The following KCNK2 variants were observed in gnomAD, a reference collection of about 807,000 sequenced individuals.
The protein encoded by KCNK2 is potassium two pore domain channel subfamily K member 2.
In KCNK2, 21 loss-of-function variants were observed where a neutral mutation model predicts 40.5. The ratio of observed to expected loss-of-function variants is 0.52; its 90% confidence interval spans 0.37 to 0.75. The LOEUF (loss-of-function observed/expected upper bound fraction) is 0.75, where lower values mean the gene tolerates loss of function less well. Ranked by LOEUF, KCNK2 falls within the 30% of genes least tolerant of loss-of-function variation. The pLI, the probability that KCNK2 is intolerant of heterozygous loss-of-function variation, is 0.00. For missense variants in KCNK2, 399 were observed against 531.6 expected, an observed-to-expected ratio of 0.75 and a Z score of 2.45; for synonymous variants, 191 against 202.2, an observed-to-expected ratio of 0.94 and a Z score of 0.47.
intron 6 of KCNK2, among the ~76,000 whole-genome samples, chr1:215,215,453 T>C (rs1665924740): frequency 1.3e-5 from 2 of 152,162 alleles, no homozygotes; most frequent in South Asian, 4.1e-4. Flanking sequence ...CTCTAAAGCA[T>C]AAAGTGATAT....
At chr1:215,209,463 T>TATATATATATATTATATATA (rs1558140238) in intron 6 of KCNK2, among the ~76,000 whole-genome samples, 42 of 5,252 alleles carry the variant, frequency 8.0e-3, no homozygotes, top group Admixed American at 0.016. Context: ...TTATATATTA[T>TATATATATATATTATATATA]ATATAATATA....
intron 5 of KCNK2, among the ~76,000 whole-genome samples, chr1:215,188,211 G>A (rs1461614598): frequency 1.3e-5 from 2 of 152,236 alleles, no homozygotes; most frequent in East Asian, 3.9e-4. Context: ...TGCTTACCAG[G>A]TCAGTCAGGC....
rs1313914265 is a variant in KCNK2, at chr1:215,172,083, T to G, written c.723T>G (p.Pro241=). ...GCTGTGTACTCTTTGTGGCTCTGCC[T>G]GCGATCATATTCAAACACATAGAAG... is the stretch of plus-strand genomic sequence containing the variant. The part of the protein sequence containing the change: ...LFGCVLFVAL[P]AIIFKHIEGW... Residue 241 remains proline (P), a synonymous_variant, in exon 5 of 7, where the codon CCT becomes CCG. Transcript: ENST00000444842. 1 of 1,613,536 alleles carries G rather than the reference T, an allele frequency of 6.2e-7. No homozygotes were observed. Among genetic ancestry groups the G allele is most frequent in the Non-Finnish European group, 8.5e-7 (1 of 1,179,666 alleles).
chr1:215,184,027 A>C (rs1458635529), intron 5 of KCNK2, among the ~76,000 whole-genome samples: 1 of 152,180 alleles, frequency 6.6e-6, no homozygotes, highest in East Asian at 1.9e-4. Context: ...CTCTCTGTGC[A>C]CTGTAGATGT....
intron 1 of KCNK2, among the ~76,000 whole-genome samples, chr1:215,049,310 T>C (rs1447910352): frequency 6.6e-6 from 1 of 152,206 alleles, no homozygotes; most frequent in Non-Finnish European, 1.5e-5. Context: ...TTCAGTGAAA[T>C]GTGTTTTTCC....
chr1:215,025,683 G>A (rs1023671336), intron 1 of KCNK2, among the ~76,000 whole-genome samples: 1 of 151,862 alleles, frequency 6.6e-6, no homozygotes, highest in African/African-American at 2.4e-5. Flanking sequence ...ACTTTTTTCT[G>A]AATCAGTAGT....
At chr1:215,011,443 G>A (rs920191453) in intron 1 of KCNK2, among the ~76,000 whole-genome samples, 2 of 151,796 alleles carry the variant, frequency 1.3e-5, no homozygotes, top group Non-Finnish European at 2.9e-5. Context: ...ACAGGCACAC[G>A]CCACCACATC....
chr1:215,021,701 A>T (rs1656800802), intron 1 of KCNK2, among the ~76,000 whole-genome samples: 1 of 151,720 alleles, frequency 6.6e-6, no homozygotes, highest in South Asian at 2.1e-4. Context: ...GCCCGCCACC[A>T]CGCCTGGCTA....
intron 3 of KCNK2, among the ~76,000 whole-genome samples, chr1:215,168,752 G>A (rs1413145138): frequency 6.6e-6 from 1 of 151,690 alleles, no homozygotes; most frequent in Non-Finnish European, 1.5e-5. Flanking sequence ...GCTAATGTAT[G>A]CAGGGCTTAA....
chr1:215,205,974 T>C (rs1339927541), intron 6 of KCNK2, among the ~76,000 whole-genome samples: 5 of 152,216 alleles, frequency 3.3e-5, no homozygotes, highest in Non-Finnish European at 7.3e-5. Context: ...AGGTGTATTA[T>C]CTACATTATC....
chr1:215,236,579 A>G lies in KCNK2; in HGVS notation c.*1434A>G, dbSNP rs1237028590. 1 of 152,566 alleles carries G rather than the reference A, an allele frequency of 6.6e-6. No individual in the cohort carries two copies. The highest frequency in any genetic ancestry group is 2.4e-5 in the African/African-American group (1 of 41,440). The allele number at this position is 152,566 out of a possible 1,614,324, so 9.5% of individuals were successfully genotyped here. On this transcript the variant is annotated 3_prime_UTR_variant, in exon 7 of 7. Coordinates refer to ENST00000444842, the MANE Select transcript of KCNK2 (RefSeq NM_001017425.3). ...TTTTAGTTTAATTTTATATCCTGTA[A>G]TTCTTTGGATGGTTCCAAGATTCAG...
chr1:215,216,374 T>G (rs1262730152), intron 6 of KCNK2, among the ~76,000 whole-genome samples: 2 of 147,604 alleles, frequency 1.4e-5, no homozygotes, highest in Admixed American at 6.8e-5. Context: ...AGATAATATA[T>G]AATATATATT....
At chr1:215,012,541 A>G (rs969523537) in intron 1 of KCNK2, among the ~76,000 whole-genome samples, 2 of 151,584 alleles carry the variant, frequency 1.3e-5, no homozygotes, top group Non-Finnish European at 2.9e-5. Flanking sequence ...GAACAATCAT[A>G]GTTCACAGCA....
rs199666002 is a variant in KCNK2 at position 215,187,100 on chromosome 1, G to A, written c.824-7853G>A. 1.8e-4 allele frequency among the ~76,000 whole-genome samples: 27 copies of A among 152,162 alleles called. No individual in the cohort carries two copies. The East Asian group carries it at 2.5e-3, about 14-fold the overall frequency. On this transcript the variant is annotated intron_variant, in intron 5 of 6. Coordinates refer to ENST00000444842, the MANE Select transcript of KCNK2 (RefSeq NM_001017425.3). ...TCCTCTTGCCTCAGCCTCCCAAGTT[G>A]CTGGGACCACAGGCACATGCCACCA...
chr1:215,015,702 G>T (rs1384611442), intron 1 of KCNK2, among the ~76,000 whole-genome samples: 13 of 152,070 alleles, frequency 8.5e-5, no homozygotes, highest in African/African-American at 2.9e-4. Flanking sequence ...ATTCTTTGTT[G>T]TGTTAGAGCT....
rs546436366 is a variant in KCNK2, at chr1:215,074,114, G to T, written c.35-12254G>T. The stretch of plus-strand genomic sequence containing the variant: ...GCCTTGATCACTTTGTACAATTTGG[G>T]GAGATCACACAACCATCTTAACAGA... On this transcript the variant is annotated intron_variant, in intron 1 of 6. Coordinates refer to the KCNK2 transcript ENST00000391895. Among the ~76,000 whole-genome samples the T allele has an allele frequency of 2.4e-4, 36 of 152,180 alleles. No homozygotes were observed. In the South Asian group the frequency reaches 6.4e-3, roughly 27 times the overall value.
intron 1 of KCNK2, among the ~76,000 whole-genome samples, chr1:215,046,567 G>C (rs952440140): frequency 1.3e-5 from 2 of 151,716 alleles, no homozygotes; most frequent in East Asian, 3.9e-4. Flanking sequence ...GAAGGCTGTT[G>C]TTAGAATAAA....
intron 1 of KCNK2, among the ~76,000 whole-genome samples, chr1:215,037,819 G>T (rs1267672733): frequency 6.6e-6 from 1 of 151,844 alleles, no homozygotes; most frequent in Non-Finnish European, 1.5e-5. Flanking sequence ...GACTGGCATT[G>T]TTTTTTCTGA....
intron 6 of KCNK2, among the ~76,000 whole-genome samples, chr1:215,215,561 A>G (rs1014845723): frequency 6.6e-5 from 10 of 152,126 alleles, no homozygotes; most frequent in African/African-American, 2.4e-4. Flanking sequence ...TTGACTTTTC[A>G]TGGAATATAA....
Sources: allele counts gnomAD v4.1 joint callset (sites outside exome capture counted in the v4.1 genomes callset), GRCh38; gene constraint gnomAD v4.1.1; transcripts MANE v1.5; gene names NCBI Gene and HGNC (gene_info 2026-07-23, HGNC 2026-07-21).